SMOC1: variants seen among roughly 807,000 people sequenced by gnomAD.
SMOC1 encodes the protein SPARC related modular calcium binding 1, also known as SPARC-related modular calcium-binding protein 1.
A neutral mutation model predicts 56.3 loss-of-function variants in SMOC1; 22 were observed. The ratio of observed to expected loss-of-function variants is 0.39; its 90% confidence interval spans 0.28 to 0.56. The LOEUF is 0.56. SMOC1 is among the 20% of genes least tolerant of loss of function. SMOC1 has a pLI of 0.61. For synonymous variants in SMOC1, 193 were observed against 215.0 expected (o/e 0.90, Z 0.89); for missense variants, 509 against 565.4 (o/e 0.90, Z 1.01).
At chr14:70,021,046 C>T (rs77689682) in intron 10 of SMOC1, among the ~76,000 whole-genome samples, 1 of 152,304 alleles carries the variant, frequency 6.6e-6, no homozygotes, top group East Asian at 1.9e-4. Context: ...TTATTCCAGC[C>T]TCTAGGTAGA....
intron 1 of SMOC1, among the ~76,000 whole-genome samples, chr14:69,925,414 T>C (rs1274716205): frequency 6.6e-6 from 1 of 151,972 alleles, no homozygotes; most frequent in Admixed American, 6.5e-5. Context: ...GCACCCAAGG[T>C]TGACATTCAA....
At chr14:69,920,651 G>C (rs545544852) in intron 1 of SMOC1, among the ~76,000 whole-genome samples, 15 of 152,268 alleles carry the variant, frequency 9.9e-5, no homozygotes, top group African/African-American at 3.4e-4. Context: ...TGCCATCATG[G>C]AGTTTACAGT....
chr14:69,879,623 G>A lies in SMOC1; in HGVS notation c.-56G>A. The A allele has an allele frequency of 3.0e-6, 4 of 1,332,620 alleles. No homozygotes were observed. Among genetic ancestry groups the A allele is most frequent in the Non-Finnish European group, 3.9e-6 (4 of 1,028,790 alleles). 82.5% of individuals were successfully genotyped at this position (1,332,620 alleles called of 1,614,324 possible). On this transcript the variant is annotated 5_prime_UTR_variant, in exon 1 of 12. Transcript: ENST00000361956. ...AGGAAGGAAGGGAGGCGCGCTGTGCGCCCCGCGGAGCCCGCGAACCCCGCT... is the reference window on the plus strand; with the variant it reads ...AGGAAGGAAGGGAGGCGCGCTGTGCACCCCGCGGAGCCCGCGAACCCCGCT...
chr14:69,968,532 C>A (rs960077712), intron 3 of SMOC1, among the ~76,000 whole-genome samples: 4 of 152,168 alleles, frequency 2.6e-5, no homozygotes, highest in Non-Finnish European at 4.4e-5. Flanking sequence ...GGGAATGCAG[C>A]CAAAAGGAAA....
chr14:69,934,323 T>A (rs1885243562), intron 1 of SMOC1, among the ~76,000 whole-genome samples: 1 of 152,204 alleles, frequency 6.6e-6, no homozygotes, highest in Non-Finnish European at 1.5e-5. Context: ...GCTTTGACAC[T>A]GAGTTAGTCT....
rs1017199339 is a variant in SMOC1 at position 69,992,715 on chromosome 14, G to A, written c.583+242G>A. On this transcript the variant is annotated intron_variant, in intron 6 of 11. Coordinates refer to ENST00000361956, the MANE Select transcript of SMOC1 (RefSeq NM_001034852.3). ...TCTCAGGCTTCCTGCCTGTCTCCTG[G>A]TGTCCAACAATAACACAGCCTGGAC... Among the ~76,000 whole-genome samples, 6 of 152,280 alleles carry A rather than the reference G, an allele frequency of 3.9e-5. No homozygotes were observed. In the South Asian group the frequency reaches 6.2e-4, roughly 16 times the overall value.
intron 7 of SMOC1, among the ~76,000 whole-genome samples, chr14:69,996,322 G>A (rs1239303650): frequency 1.3e-5 from 2 of 152,192 alleles, no homozygotes; most frequent in Non-Finnish European, 2.9e-5. Flanking sequence ...ATAACCCTAT[G>A]AGATAGCTAT....
intron 1 of SMOC1, among the ~76,000 whole-genome samples, chr14:69,889,122 T>G (rs897239210): frequency 6.6e-6 from 1 of 152,210 alleles, no homozygotes. Context: ...TAAATATGAA[T>G]GTTAATAGCC....
At chr14:69,901,238 A>G (rs1884234153) in intron 1 of SMOC1, among the ~76,000 whole-genome samples, 1 of 152,248 alleles carries the variant, frequency 6.6e-6, no homozygotes, top group African/African-American at 2.4e-5. Context: ...TGAATTGTTA[A>G]GGTACATTTG....
chr14:70,016,537 A>G (rs1056697848), intron 10 of SMOC1, among the ~76,000 whole-genome samples: 3 of 152,202 alleles, frequency 2.0e-5, no homozygotes, highest in African/African-American at 7.2e-5. Context: ...AGAAACTGCT[A>G]TCCAGGAAGG....
intron 1 of SMOC1, among the ~76,000 whole-genome samples, chr14:69,915,172 T>C (rs565543644): frequency 6.6e-6 from 1 of 152,340 alleles, no homozygotes; most frequent in East Asian, 1.9e-4. Context: ...CCGGCCAGTT[T>C]ACACATTCTG....
At chr14:69,936,128 C>A (rs531763991) in intron 1 of SMOC1, among the ~76,000 whole-genome samples, 53 of 152,272 alleles carry the variant, frequency 3.5e-4, no homozygotes, top group African/African-American at 1.2e-3. Context: ...CCCCCATTCT[C>A]CCAGTTGACG....
chr14:69,987,705 A>G (rs1324174281), intron 5 of SMOC1, among the ~76,000 whole-genome samples: 1 of 152,138 alleles, frequency 6.6e-6, no homozygotes, highest in Non-Finnish European at 1.5e-5. Context: ...TCAGCCTGGC[A>G]TTTATCTCTC....
intron 1 of SMOC1, among the ~76,000 whole-genome samples, chr14:69,941,470 C>A (rs1000772533): frequency 1.3e-5 from 2 of 152,120 alleles, no homozygotes; most frequent in African/African-American, 4.8e-5. Context: ...CCCAGGACAC[C>A]CAGCCCCTTC....
At chr14:69,930,252 C>T (rs778272673) in intron 1 of SMOC1, among the ~76,000 whole-genome samples, 46 of 126,832 alleles carry the variant, frequency 3.6e-4, no homozygotes, top group Middle Eastern at 7.5e-3. Context: ...ACCTCTCCAG[C>T]CAGTTACCGA....
intron 7 of SMOC1, among the ~76,000 whole-genome samples, chr14:69,997,980 C>T (rs1359323361): frequency 6.6e-6 from 1 of 152,126 alleles, no homozygotes; most frequent in African/African-American, 2.4e-5. Context: ...CCCACACATC[C>T]TTTTTTCACA....
At chr14:70,011,376 C>A in intron 8 of SMOC1, 109 bp from the exon 9 acceptor site, 1 of 1,062,376 alleles carries the variant, frequency 9.4e-7, no homozygotes, top group Non-Finnish European at 1.5e-6. Context: ...TCTGCCCACC[C>A]TCAGTGCTTT....
intron 1 of SMOC1, among the ~76,000 whole-genome samples, chr14:69,883,888 C>CCTTT (rs1566659816): frequency 6.8e-5 from 4 of 59,168 alleles, no homozygotes; most frequent in Non-Finnish European, 9.2e-5. Flanking sequence ...TGATGTTGAG[C>CCTTT]ATTTTTTTTT....
intron 10 of SMOC1, among the ~76,000 whole-genome samples, chr14:70,020,338 T>TG (rs1885664971): frequency 6.6e-6 from 1 of 152,154 alleles, no homozygotes; most frequent in Non-Finnish European, 1.5e-5. Flanking sequence ...TTAATGTACT[T>TG]GGAGTTTGGC....
Sources: gnomAD v4.1 joint callset for allele counts (sites outside exome capture counted in the v4.1 genomes callset) on GRCh38, gnomAD v4.1.1 for gene constraint, MANE v1.5 for transcripts, NCBI Gene and HGNC (gene_info 2026-07-23, HGNC 2026-07-21) for gene names.